The following IL1RAPL1 variants were observed in gnomAD, a reference collection of about 807,000 sequenced individuals.
IL1RAPL1 encodes interleukin-1 receptor accessory protein-like 1.
A neutral mutation model predicts 48.4 loss-of-function variants in IL1RAPL1; 3 were observed. The ratio of observed to expected loss-of-function variants is 0.06; its 90% CI spans 0.03 to 0.16. The LOEUF is 0.16. Ranked by LOEUF, IL1RAPL1 falls within the 10% of genes least tolerant of loss-of-function variation. IL1RAPL1 has a pLI of 1.00. For missense variants in IL1RAPL1, 349 were observed against 530.6 expected, an observed-to-expected ratio of 0.66 and a Z score of 3.36; for synonymous variants, 185 against 187.7, an observed-to-expected ratio of 0.99 and a Z score of 0.12.
In IL1RAPL1 at chrX:29,451,595, A is replaced by C. The variant is rs892757949; in HGVS notation, c.703+52287A>C. 2.7e-5 allele frequency among the ~76,000 whole-genome samples: 3 copies of C among 111,457 alleles called. No individual in the cohort carries two copies. In the Admixed American group the frequency reaches 2.9e-4, roughly 11 times the overall value. On this transcript the variant is annotated intron_variant, in intron 5 of 10. Transcript: ENST00000378993. ...AATTAATCTCCAAGGAGTTACTTGA[A>C]TTTGTTCTCTCTCTCTGTCTCTCTC...
At chrX:29,557,079 G>C (rs1922027687) in intron 5 of IL1RAPL1, among the ~76,000 whole-genome samples, 1 of 111,842 alleles carries the variant, frequency 8.9e-6, no homozygotes, top group Admixed American at 9.5e-5. Flanking sequence ...TTTTCCATAA[G>C]TGGCAAATAA....
intron 3 of IL1RAPL1, among the ~76,000 whole-genome samples, chrX:29,335,289 GA>G (rs1256176267): frequency 0.038 from 125 of 3,284 alleles, 29 homozygotes; most frequent in Non-Finnish European, 0.23. Flanking sequence ...GGGGAGAGGG[GA>G]GAGGGGAGAG....
chrX:28,685,400 C>G (rs775580687), intron 1 of IL1RAPL1, among the ~76,000 whole-genome samples: 1 of 112,429 alleles, frequency 8.9e-6, no homozygotes, highest in Non-Finnish European at 1.9e-5. Flanking sequence ...TAACAATACT[C>G]TTTTCTCTGG....
At chrX:29,331,530 T>A (rs922199388) in intron 3 of IL1RAPL1, among the ~76,000 whole-genome samples, 2 of 111,925 alleles carry the variant, frequency 1.8e-5, no homozygotes, top group Non-Finnish European at 3.8e-5. Context: ...TCCTCTGCAC[T>A]TTCCTAAACC....
intron 2 of IL1RAPL1, among the ~76,000 whole-genome samples, chrX:29,006,663 G>GTGTGTT (rs1925991033): frequency 2.0e-5 from 2 of 100,625 alleles, no homozygotes; most frequent in Non-Finnish European, 4.0e-5. Flanking sequence ...GTGTGTGTGT[G>GTGTGTT]TGTGTGTGTG....
At chrX:29,688,742 CT>C (rs1569146524) in intron 6 of IL1RAPL1, among the ~76,000 whole-genome samples, 1 of 108,424 alleles carries the variant, frequency 9.2e-6, no homozygotes, top group African/African-American at 3.4e-5. Flanking sequence ...CTCTCTCTCT[CT>C]CTCTCTCTCT....
Position 29,496,935 on chromosome X carries a change from T to G in IL1RAPL1, c.703+97627T>G, listed in dbSNP as rs144715519. Among the ~76,000 whole-genome samples the G allele has an allele frequency of 1.9e-3, 217 of 112,426 alleles. 2 individuals carry two copies. Among genetic ancestry groups the G allele is most frequent in the African/African-American group, 6.8e-3 (210 of 31,006 alleles). On this transcript the variant is annotated intron_variant, in intron 5 of 10. Coordinates refer to ENST00000378993, the MANE Select transcript of IL1RAPL1 (RefSeq NM_014271.4). Reference sequence around the variant, plus strand: ...TTGGAAATGCAAACAGTATTCTATTTAAAAATGCCATCTGGCTTTCATAAG... The same window carrying G: ...TTGGAAATGCAAACAGTATTCTATTGAAAAATGCCATCTGGCTTTCATAAG...
At chrX:29,790,754 T>C (rs144059701) in intron 6 of IL1RAPL1, among the ~76,000 whole-genome samples, 3,207 of 111,606 alleles carry the variant, frequency 0.029, 97 homozygotes, top group African/African-American at 0.099. Flanking sequence ...TCAGCCTCTT[T>C]ATTGCAAGCT....
rs186933236 is a variant in IL1RAPL1, at chrX:28,825,440, G to A, written c.82+36015G>A. ...TTAATCCAATATTGAGGGAAATTCC[G>A]TGCCCCTAATGCTTGAATATCTATG... On this transcript the variant is annotated intron_variant, in intron 2 of 10. Coordinates refer to ENST00000378993, the MANE Select transcript of IL1RAPL1 (RefSeq NM_014271.4). Among the ~76,000 whole-genome samples the A allele has an allele frequency of 1.9e-3, 210 of 110,971 alleles. 1 individual carries two copies. Among genetic ancestry groups the A allele is most frequent in the African/African-American group, 6.7e-3 (204 of 30,654 alleles).
At chrX:28,668,931 A>G (rs1008191479) in intron 1 of IL1RAPL1, among the ~76,000 whole-genome samples, 2 of 111,925 alleles carry the variant, frequency 1.8e-5, no homozygotes, top group African/African-American at 6.5e-5. Context: ...TTACATTTCA[A>G]TAAAATAAGG....
chrX:28,623,912 C>G (rs1220196998), intron 1 of IL1RAPL1, among the ~76,000 whole-genome samples: 1 of 111,848 alleles, frequency 8.9e-6, no homozygotes. Flanking sequence ...TGTCATCTGG[C>G]ACTGGGGACA....
intron 2 of IL1RAPL1, among the ~76,000 whole-genome samples, chrX:29,080,605 A>T (rs146938474): frequency 2.3e-3 from 252 of 109,707 alleles, no homozygotes; most frequent in African/African-American, 8.1e-3. Context: ...ACATGCAGAA[A>T]GTTCTTAACC....
intron 2 of IL1RAPL1, among the ~76,000 whole-genome samples, chrX:28,940,647 C>G (rs1288251198): frequency 9.1e-6 from 1 of 110,467 alleles, no homozygotes; most frequent in Non-Finnish European, 1.9e-5. Flanking sequence ...AAAGAAATAA[C>G]CTGTTGATTA....
intron 5 of IL1RAPL1, among the ~76,000 whole-genome samples, chrX:29,535,556 T>A (rs187885433): frequency 1.5e-3 from 171 of 111,886 alleles, no homozygotes; most frequent in African/African-American, 5.5e-3. Flanking sequence ...TTGTTGGAAA[T>A]TTTCCTACTG....
At chrX:29,169,666 A>G (rs1929871492) in intron 2 of IL1RAPL1, among the ~76,000 whole-genome samples, 2 of 111,007 alleles carry the variant, frequency 1.8e-5, no homozygotes, top group Admixed American at 2.0e-4. Flanking sequence ...GCCTCCCCTT[A>G]ACTTTTAATG....
In IL1RAPL1 at chrX:28,591,160, G is replaced by C. The variant is rs144421397; in HGVS notation, c.-25+3113G>C. Among the ~76,000 whole-genome samples, 840 of 111,340 alleles carry C rather than the reference G, an allele frequency of 7.5e-3. 2 individuals carry two copies. Among genetic ancestry groups the C allele is most frequent in the Middle Eastern group, 0.023 (5 of 215 alleles). Reference sequence around the variant, plus strand: ...CATGTAGTTAGGTTAGAAAATATTTGGGAAAAAAAGAAATACCATTTATGA... The same window carrying C: ...CATGTAGTTAGGTTAGAAAATATTTCGGAAAAAAAGAAATACCATTTATGA... On this transcript the variant is annotated intron_variant, in intron 1 of 10. Transcript: ENST00000378993.
chrX:28,638,673 A>T (rs1301944333), intron 1 of IL1RAPL1, among the ~76,000 whole-genome samples: 1 of 109,341 alleles, frequency 9.1e-6, no homozygotes, highest in Non-Finnish European at 1.9e-5. Context: ...GAGAGATGAA[A>T]ATATTAATAT....
intron 5 of IL1RAPL1, among the ~76,000 whole-genome samples, chrX:29,532,798 C>T (rs1323645341): frequency 8.9e-6 from 1 of 112,059 alleles, no homozygotes; most frequent in Non-Finnish European, 1.9e-5. Context: ...ACTCTTCAAG[C>T]ATTTCTTATG....
At chrX:29,862,492 G>A (rs758262712) in intron 6 of IL1RAPL1, among the ~76,000 whole-genome samples, 5 of 111,219 alleles carry the variant, frequency 4.5e-5, no homozygotes, top group Middle Eastern at 4.6e-3. Flanking sequence ...AGGCAAAAAC[G>A]TGTGATTTAC....
Sources: gnomAD v4.1 joint callset for allele counts (sites outside exome capture counted in the v4.1 genomes callset) on GRCh38, gnomAD v4.1.1 for gene constraint, MANE v1.5 for transcripts, NCBI Gene and HGNC (gene_info 2026-07-23, HGNC 2026-07-21) for gene names.